The following HHAT variants were observed in gnomAD, a reference collection of about 807,000 sequenced individuals.
HHAT encodes protein-cysteine N-palmitoyltransferase HHAT.
HHAT carries 47 observed loss-of-function variants against 70.8 expected under a neutral mutation model. The ratio of observed to expected loss-of-function variants is 0.66; its 90% confidence interval spans 0.53 to 0.85. The LOEUF is 0.85. Ranked by LOEUF, HHAT falls within the 40% of genes least tolerant of loss-of-function variation. HHAT has a pLI of 0.00. For missense variants in HHAT, 609 were observed against 604.8 expected, an observed-to-expected ratio of 1.01 and a Z score of -0.07; for synonymous variants, 228 against 247.6, an observed-to-expected ratio of 0.92 and a Z score of 0.74.
intron 9 of HHAT, among the ~76,000 whole-genome samples, chr1:210,557,436 T>C (rs990291645): frequency 6.6e-6 from 1 of 152,176 alleles, no homozygotes; most frequent in African/African-American, 2.4e-5. Flanking sequence ...TAAGTTGCAC[T>C]TGTACACGAA....
At chr1:210,602,838 AAC>A (rs955866356) in intron 10 of HHAT, among the ~76,000 whole-genome samples, 1 of 152,076 alleles carries the variant, frequency 6.6e-6, no homozygotes, top group African/African-American at 2.4e-5. Flanking sequence ...CAATGCAGGA[AAC>A]ACACTATGCA....
intron 9 of HHAT, among the ~76,000 whole-genome samples, chr1:210,533,208 T>G (rs944492651): frequency 6.7e-5 from 10 of 149,964 alleles, no homozygotes; most frequent in African/African-American, 2.2e-4. Flanking sequence ...TGGCCAGGAG[T>G]GATAAGTGGG....
At chr1:210,660,434 A>G (rs1677423014) in intron 11 of HHAT, among the ~76,000 whole-genome samples, 1 of 152,228 alleles carries the variant, frequency 6.6e-6, no homozygotes, top group Admixed American at 6.5e-5. Flanking sequence ...CAAATGGAAT[A>G]ACATTCCATG....
intron 8 of HHAT, among the ~76,000 whole-genome samples, chr1:210,507,859 A>G (rs1255305368): frequency 6.6e-6 from 1 of 152,038 alleles, no homozygotes; most frequent in East Asian, 1.9e-4. Flanking sequence ...ATTTGAGGTG[A>G]TGGATATATT....
chr1:210,667,960 C>G (rs1032230631), intron 11 of HHAT, among the ~76,000 whole-genome samples: 9 of 152,178 alleles, frequency 5.9e-5, no homozygotes, highest in Admixed American at 5.2e-4. Context: ...CCATTAAACA[C>G]TGCCTTCTCA....
At chr1:210,507,359 C>CTTTTTTTTT (rs927392992) in intron 8 of HHAT, among the ~76,000 whole-genome samples, 23 of 122,520 alleles carry the variant, frequency 1.9e-4, no homozygotes, top group South Asian at 2.8e-4. Context: ...TTTCTTTTTT[C>CTTTTTTTTT]TTTTTTTTTT....
At chr1:210,374,910 T>A (rs1348347356) in intron 3 of HHAT, among the ~76,000 whole-genome samples, 5 of 151,946 alleles carry the variant, frequency 3.3e-5, no homozygotes, top group African/African-American at 1.2e-4. Flanking sequence ...TACCCAGTAG[T>A]TAGTTTTTCA....
At position 210,345,632 on chromosome 1, in the gene HHAT, G is replaced by A. The variant is rs535112226; in HGVS notation, c.-43-3301G>A. The stretch of plus-strand genomic sequence containing the variant: ...TTTGGTCTTTATTTAGATGTATGAT[G>A]TTTTTGTGACCAGAAATATGCAGTA... On this transcript the variant is annotated intron_variant, in intron 1 of 11. Coordinates refer to ENST00000261458, the MANE Select transcript of HHAT (RefSeq NM_018194.6). 5.9e-5 allele frequency among the ~76,000 whole-genome samples: 9 copies of A among 152,296 alleles called. No homozygotes were observed. The East Asian group carries it at 1.7e-3, about 29-fold the overall frequency.
chr1:210,640,507 C>G (rs920361924), intron 11 of HHAT, among the ~76,000 whole-genome samples: 7 of 152,008 alleles, frequency 4.6e-5, no homozygotes, highest in African/African-American at 7.2e-5. Flanking sequence ...GCCTCTAGAT[C>G]TGCACACAAC....
chr1:210,418,113 A>G (rs1457279493), intron 6 of HHAT, 41 bp from the exon 7 acceptor site: 1 of 1,600,322 alleles, frequency 6.2e-7, no homozygotes, highest in Admixed American at 1.7e-5. Context: ...TGTTTTAGGA[A>G]TCAAGGCACC....
intron 11 of HHAT, among the ~76,000 whole-genome samples, chr1:210,657,967 CTAT>C (rs755665641): frequency 6.6e-6 from 1 of 152,170 alleles, no homozygotes; most frequent in Non-Finnish European, 1.5e-5. Context: ...TTTGCCACAA[CTAT>C]TATTTTTAAT....
intron 9 of HHAT, among the ~76,000 whole-genome samples, chr1:210,560,641 A>G (rs1394587357): frequency 1.3e-5 from 2 of 148,372 alleles, no homozygotes; most frequent in African/African-American, 2.5e-5. Context: ...CATAGACCCC[A>G]TCTCTACCAA....
chr1:210,351,969 C>CT (rs1437826952), intron 2 of HHAT, among the ~76,000 whole-genome samples: 1 of 152,152 alleles, frequency 6.6e-6, no homozygotes. Context: ...TCTGGAGTTT[C>CT]TCTCTTCTAT....
intron 6 of HHAT, among the ~76,000 whole-genome samples, chr1:210,412,787 C>T (rs925513215): frequency 6.6e-6 from 1 of 152,210 alleles, no homozygotes; most frequent in Non-Finnish European, 1.5e-5. Context: ...GACAGTGCCA[C>T]CCTCATGGCT....
chr1:210,433,756 T>A, intron 7 of HHAT, among the ~76,000 whole-genome samples: 1 of 152,064 alleles, frequency 6.6e-6, no homozygotes, highest in East Asian at 1.9e-4. Context: ...AGGGTGATGT[T>A]GATGATGATT....
intron 6 of HHAT, among the ~76,000 whole-genome samples, chr1:210,406,400 C>CTTTT (rs11462087): frequency 6.8e-6 from 1 of 146,828 alleles, no homozygotes; most frequent in Admixed American, 6.8e-5. Flanking sequence ...CCTTTTTCTT[C>CTTTT]TTTTTTTTTT....
chr1:210,577,073 G>GT (rs71146234), intron 9 of HHAT, among the ~76,000 whole-genome samples: 52,660 of 146,790 alleles, frequency 0.36, 10,434 homozygotes, highest in East Asian at 0.65. Flanking sequence ...TGTTTAACGG[G>GT]TTTTTTTTTT....
intron 7 of HHAT, among the ~76,000 whole-genome samples, chr1:210,460,523 C>G (rs1401180838): frequency 6.6e-6 from 1 of 152,018 alleles, no homozygotes; most frequent in African/African-American, 2.4e-5. Context: ...TGCCTGTCCT[C>G]GGGGTGTGGG....
chr1:210,532,475 A>G (rs902406471), intron 9 of HHAT, among the ~76,000 whole-genome samples: 1 of 152,196 alleles, frequency 6.6e-6, no homozygotes, highest in East Asian at 1.9e-4. Flanking sequence ...CCATTTCTGG[A>G]CATCAGCTAC....
Sources: gnomAD v4.1 joint callset for allele counts (sites outside exome capture counted in the v4.1 genomes callset) on GRCh38, gnomAD v4.1.1 for gene constraint, MANE v1.5 for transcripts, NCBI Gene and HGNC (gene_info 2026-07-23, HGNC 2026-07-21) for gene names.